Variants in NFATC1 observed in about 807,000 individuals in gnomAD.
The protein encoded by NFATC1 is nuclear factor of activated T cells 1.
In NFATC1, 22 loss-of-function variants were observed where a neutral mutation model predicts 76.0. That is an observed-to-expected ratio of 0.29 (90% CI 0.21 to 0.41). The LOEUF (loss-of-function observed/expected upper bound fraction) is 0.41, where lower values mean the gene tolerates loss of function less well. NFATC1 is among the 10% of genes least tolerant of loss of function. The pLI is 1.00. For synonymous variants in NFATC1, 704 were observed against 613.1 expected (o/e 1.15, Z -2.19); for missense variants, 1,357 against 1,337.7 (o/e 1.01, Z -0.23).
intron 9 of NFATC1, among the ~76,000 whole-genome samples, chr18:79,500,029 T>C (rs944149181): frequency 1.3e-5 from 2 of 152,134 alleles, no homozygotes; most frequent in Admixed American, 1.3e-4. Context: ...AAATAATAGC[T>C]GGAGACCAGT....
intron 1 of NFATC1, among the ~76,000 whole-genome samples, chr18:79,408,465 T>C (rs943498833): frequency 6.6e-6 from 1 of 152,226 alleles, no homozygotes; most frequent in African/African-American, 2.4e-5. Context: ...TTAAAAAATA[T>C]TTTATTGAGT....
At position 79,410,758 on chromosome 18, in the gene NFATC1, C is replaced by T. The variant is rs919979149; in HGVS notation, c.483C>T (p.Ser161=). Residue 161 remains serine (S), a synonymous_variant, in exon 2 of 10, where the codon AGC becomes AGT. Transcript: ENST00000427363. This position sits in a 1 kb window ranked among gnomAD's most constrained non-coding sequence, Gnocchi z 6.7. ...SPSTATLSLP[S]LEAYRDPSCL... ...CCACGGCCACGCTGAGTCTGCCCAG[C>T]CTGGAGGCCTACAGAGACCCCTCGT... The T allele has an allele frequency of 6.2e-7, 1 of 1,612,922 alleles. No individual in the cohort carries two copies. The highest frequency in any genetic ancestry group is 1.7e-5 in the Admixed American group (1 of 59,994).
intron 8 of NFATC1, chr18:79,469,797 A>G (rs113783321): frequency 2.0e-6 from 2 of 985,122 alleles, no homozygotes; most frequent in African/African-American, 1.7e-5. Flanking sequence ...CCAGGTCCCC[A>G]CAAGCACACT....
chr18:79,410,514 T>G lies in NFATC1; in HGVS notation c.239T>G (p.Ile80Ser). Reference protein sequence around the residue: ...HNLQTSTPGIIPPADHPSGYG... With the variant: ...HNLQTSTPGISPPADHPSGYG... ...CTTCAGACCTCCACACCGGGCATCA[T>G]CCCGCCGGCGGATCACCCCTCGGGG... Residue 80 changes from isoleucine (I) to serine (S), a missense_variant, in exon 2 of 10, where the codon ATC becomes AGC. By Grantham distance (142) the Ile-to-Ser change is moderately radical (BLOSUM62 -2). Transcript: ENST00000427363. The surrounding 1 kb of genome is among the most constrained non-coding windows in gnomAD (Gnocchi z 6.7). 6.2e-7 allele frequency: 1 copy of G among 1,611,676 alleles called. No individual in the cohort carries two copies. The highest frequency in any genetic ancestry group is 8.5e-7 in the Non-Finnish European group (1 of 1,179,936).
At chr18:79,498,661 G>A (rs898696203) in intron 9 of NFATC1, among the ~76,000 whole-genome samples, 1 of 152,196 alleles carries the variant, frequency 6.6e-6, no homozygotes, top group African/African-American at 2.4e-5. Flanking sequence ...ATTATTCAGT[G>A]CATCCAAATG....
intron 2 of NFATC1, among the ~76,000 whole-genome samples, chr18:79,427,363 T>A (rs544908036): frequency 1.4e-5 from 2 of 138,690 alleles, no homozygotes; most frequent in Admixed American, 7.5e-5. Flanking sequence ...TGGCAGTGGG[T>A]GCTGTACGGC....
chr18:79,521,517 T>G (rs1184913549), intron 9 of NFATC1, among the ~76,000 whole-genome samples: 7 of 43,086 alleles, frequency 1.6e-4, no homozygotes, highest in Middle Eastern at 0.023. Context: ...TGTGTGTGTG[T>G]GGGGAGCATC....
intron 1 of NFATC1, among the ~76,000 whole-genome samples, chr18:79,406,550 C>T (rs1483112159): frequency 6.6e-6 from 1 of 152,196 alleles, no homozygotes; most frequent in African/African-American, 2.4e-5. Flanking sequence ...GTTGTTTCTG[C>T]TCCAACAGGC....
At chr18:79,432,834 C>T (rs1285404339) in intron 2 of NFATC1, among the ~76,000 whole-genome samples, 1 of 151,490 alleles carries the variant, frequency 6.6e-6, no homozygotes, top group Non-Finnish European at 1.5e-5. Context: ...CTCACCTTAG[C>T]CTTTCACACC....
At chr18:79,403,433 T>C (rs2085331908) in intron 1 of NFATC1, among the ~76,000 whole-genome samples, 1 of 152,236 alleles carries the variant, frequency 6.6e-6, no homozygotes, top group Admixed American at 6.5e-5. Flanking sequence ...GGCCCCGGGC[T>C]TCCCTCTGCA....
Position 79,451,082 on chromosome 18 carries a change from G to A in NFATC1, c.1718G>A (p.Gly573Asp), listed in dbSNP as rs752108452. 6.2e-7 allele frequency: 1 copy of A among 1,613,026 alleles called. No homozygotes were observed. The highest frequency in any genetic ancestry group is 1.3e-5 in the African/African-American group (1 of 74,952). The change falls in exon 5 of 10, where the codon GGC becomes GAC. Residue 573 changes from glycine (G) to aspartate (D), a missense_variant. By Grantham distance (94) the Gly-to-Asp change is moderately conservative. Around this residue, in one of 3 missense-constraint regions of NFATC1, gnomAD observed 242 missense variants for 329.2 expected, o/e 0.74. Coordinates refer to ENST00000427363, the MANE Select transcript of NFATC1 (RefSeq NM_001278669.2). ...VFRVHVPQPS[G>D]RTLSLQVASN... ...CGCGTTCACGTCCCGCAACCCAGCG[G>A]CCGCACGCTGTCCCTGCAGGTGGCC...
Position 79,451,715 on chromosome 18 carries a change from A to G in NFATC1, c.1802A>G (p.Gln601Arg). 6.2e-7 allele frequency: 1 copy of G among 1,612,666 alleles called. No individual in the cohort carries two copies. Among genetic ancestry groups the G allele is most frequent in the African/African-American group, 1.3e-5 (1 of 75,010 alleles). Reference sequence around the variant, plus strand: ...CAGGAGCTGCCTCTGGTGGAGAAGCAGAGCACGGACAGCTATCCGGTCGTG... The same window carrying G: ...CAGGAGCTGCCTCTGGTGGAGAAGCGGAGCACGGACAGCTATCCGGTCGTG... ...SAQELPLVEK[Q>R]STDSYPVVGG... The change falls in exon 6 of 10, where the codon CAG becomes CGG. Residue 601 changes from glutamine to arginine, a missense_variant. Coordinates refer to ENST00000427363, the MANE Select transcript of NFATC1 (RefSeq NM_001278669.2).
At chr18:79,430,678 C>T (rs1432514990) in intron 2 of NFATC1, among the ~76,000 whole-genome samples, 1 of 152,032 alleles carries the variant, frequency 6.6e-6, no homozygotes, top group Non-Finnish European at 1.5e-5. Context: ...CCACCACGCC[C>T]GGCCATGAAT....
chr18:79,398,879 C>T (rs1353262973), intron 1 of NFATC1, among the ~76,000 whole-genome samples: 1 of 152,216 alleles, frequency 6.6e-6, no homozygotes, highest in African/African-American at 2.4e-5. Flanking sequence ...CCATCCTGGT[C>T]AACATGGTGA....
At chr18:79,467,380 GGCC>G (rs2088562996) in intron 7 of NFATC1, 67 bp from the exon 8 acceptor site, 1 of 1,429,988 alleles carries the variant, frequency 7.0e-7, no homozygotes, top group Non-Finnish European at 9.3e-7. Flanking sequence ...GTTGCCGTGT[GGCC>G]GCCGTGGCGC....
chr18:79,410,395 C>T lies in NFATC1; in HGVS notation c.128-8C>T. The T allele has an allele frequency of 1.3e-6, 2 of 1,591,374 alleles. No homozygotes were observed. The highest frequency in any genetic ancestry group is 2.3e-5 in the South Asian group (2 of 88,778). ...CTCATGCTCCCATCTGCTTCTTTTT[C>T]TCTCTAGAACACTATGGCTATGCAT... On this transcript the variant is annotated splice_region_variant and splice_polypyrimidine_tract_variant and intron_variant, in intron 1 of 9. Coordinates refer to ENST00000427363, the MANE Select transcript of NFATC1 (RefSeq NM_001278669.2). The surrounding 1 kb of genome is among the most constrained non-coding windows in gnomAD (Gnocchi z 6.7).
chr18:79,459,348 A>C (rs1436280873), intron 6 of NFATC1, among the ~76,000 whole-genome samples: 1 of 152,184 alleles, frequency 6.6e-6, no homozygotes, highest in Non-Finnish European at 1.5e-5. Context: ...TTTGCTTTTC[A>C]TGGACTCACC....
At chr18:79,498,285 A>T (rs1014490928) in intron 9 of NFATC1, 6 of 152,206 alleles carry the variant, frequency 3.9e-5, no homozygotes, top group Non-Finnish European at 8.8e-5. Flanking sequence ...AATTGTATTT[A>T]AAAAATTACA....
At chr18:79,489,434 C>T (rs1191225533) in intron 9 of NFATC1, among the ~76,000 whole-genome samples, 2 of 152,242 alleles carry the variant, frequency 1.3e-5, no homozygotes, top group East Asian at 3.9e-4. Context: ...TCCTGACAGC[C>T]AGTGGGACCC....
Sources: allele counts gnomAD v4.1 joint callset (sites outside exome capture counted in the v4.1 genomes callset), GRCh38; gene constraint gnomAD v4.1.1; regional missense constraint gnomAD v4.1.1; non-coding constraint Gnocchi (gnomAD v3.1); transcripts MANE v1.5; gene names NCBI Gene and HGNC (gene_info 2026-07-23, HGNC 2026-07-21).